AK4: variants seen among roughly 807,000 people sequenced by gnomAD.
The protein encoded by AK4 is adenylate kinase 4.
AK4 carries 13 observed loss-of-function variants against 24.6 expected under a neutral mutation model. The observed-to-expected ratio is 0.53, with a 90% confidence interval of 0.34 to 0.84. The LOEUF is 0.84. AK4 is among the 40% of genes least tolerant of loss of function. The pLI, the probability that AK4 is intolerant of heterozygous loss-of-function variation, is 0.01. For synonymous variants in AK4, 88 were observed against 107.0 expected (o/e 0.82, Z 1.10); for missense variants, 192 against 288.2 (o/e 0.67, Z 2.42).
chr1:65,174,244 G>A (rs1288887214), intron 1 of AK4, among the ~76,000 whole-genome samples: 4 of 151,750 alleles, frequency 2.6e-5, no homozygotes, highest in African/African-American at 9.7e-5. Context: ...AGGGCCCAGA[G>A]CAAAGCATAG....
intron 1 of AK4, chr1:65,154,610 G>GT: frequency 2.0e-6 from 1 of 507,984 alleles, no homozygotes. Flanking sequence ...CAGTGTTTCC[G>GT]TCAGTACGCG....
Position 65,228,882 on chromosome 1 carries a change from T to G in AK4, c.*2705T>G, listed in dbSNP as rs1652551001. The G allele has an allele frequency of 6.6e-6, 1 of 152,158 alleles. No individual in the cohort carries two copies. The highest frequency in any genetic ancestry group is 2.4e-5 in the African/African-American group (1 of 41,444). 9.4% of individuals were successfully genotyped at this position (152,158 alleles called of 1,614,324 possible). A position where few individuals can be genotyped will look rare whatever the true frequency, so the allele number is the denominator to read the frequency against. On this transcript the variant is annotated 3_prime_UTR_variant, in exon 5 of 5. Transcript: ENST00000327299. Reference sequence around the variant, plus strand: ...TTATCCTAACAGGCTTCTTTCTTACTTAGAACTTGGAAAGGCTGCTGTATT... The same window carrying G: ...TTATCCTAACAGGCTTCTTTCTTACGTAGAACTTGGAAAGGCTGCTGTATT...
At chr1:65,173,143 C>T (rs925524908) in intron 1 of AK4, among the ~76,000 whole-genome samples, 5 of 152,088 alleles carry the variant, frequency 3.3e-5, no homozygotes, top group African/African-American at 4.8e-5. Context: ...GGATTGCAGG[C>T]GTGAGTCACT....
intron 1 of AK4, among the ~76,000 whole-genome samples, chr1:65,173,039 T>C (rs1482279282): frequency 6.6e-6 from 1 of 151,962 alleles, no homozygotes; most frequent in Non-Finnish European, 1.5e-5. Flanking sequence ...ATTTTCTGCA[T>C]TTTTAGTGGA....
At chr1:65,152,384 ATTTTTTTTTTTTTTTTTTT>A (rs552572978) in intron 1 of AK4, among the ~76,000 whole-genome samples, 4 of 16,444 alleles carry the variant, frequency 2.4e-4, no homozygotes, top group Non-Finnish European at 3.7e-4. Flanking sequence ...ATATATATAT[ATTTTTTTTTTTTTTTTTTT>A]TTTTTTTTTT....
In AK4 at chr1:65,148,266, T is replaced by A; in HGVS notation, c.-142T>A. The stretch of plus-strand genomic sequence containing the variant: ...GAGGGGTTGTCTTAAAAGTCTCTCC[T>A]TCCCCCTGTAGGGGCGGCCGGCGAG... On this transcript the variant is annotated 5_prime_UTR_variant, in exon 1 of 5. Coordinates refer to ENST00000327299, the MANE Select transcript of AK4 (RefSeq NM_013410.4). 1 of 1,261,466 alleles carries A rather than the reference T, an allele frequency of 7.9e-7. No individual in the cohort carries two copies. Among genetic ancestry groups the A allele is most frequent in the Non-Finnish European group, 1.1e-6 (1 of 939,658 alleles). The allele number at this position is 1,261,466 out of a possible 1,614,324, so 78.1% of individuals were successfully genotyped here. A position where few individuals can be genotyped will look rare whatever the true frequency, so the allele number is the denominator to read the frequency against.
intron 3 of AK4, among the ~76,000 whole-genome samples, chr1:65,223,163 T>C (rs903123464): frequency 6.6e-6 from 1 of 151,924 alleles, no homozygotes; most frequent in African/African-American, 2.4e-5. Context: ...AGAGTTTCAC[T>C]AAAATAAATG....
At chr1:65,148,170 T>TGGAG, upstream of AK4, 1 of 787,412 alleles carries the variant, frequency 1.3e-6, no homozygotes. Context: ...GGCGAGGAGG[T>TGGAG]GGAGAAGGGC....
In AK4 at chr1:65,157,159, T is replaced by C. The variant is rs185231936; in HGVS notation, c.145+8607T>C. 3.5e-3 allele frequency among the ~76,000 whole-genome samples: 527 copies of C among 152,302 alleles called. 2 individuals carry two copies. Among genetic ancestry groups the C allele is most frequent in the African/African-American group, 0.012 (483 of 41,568 alleles). On this transcript the variant is annotated intron_variant, in intron 1 of 4. Coordinates refer to ENST00000327299, the MANE Select transcript of AK4 (RefSeq NM_013410.4). The stretch of plus-strand genomic sequence containing the variant: ...TTCAGTCTTTGGTGCTATGTTGTTT[T>C]GGTTAAAGTATTTGAAGAACATCTG...
At chr1:65,152,468 T>A (rs555574880) in intron 1 of AK4, among the ~76,000 whole-genome samples, 1 of 134,396 alleles carries the variant, frequency 7.4e-6, no homozygotes, top group South Asian at 2.7e-4. Flanking sequence ...AGTGGCACAG[T>A]CTCGGCTCAC....
chr1:65,192,935 C>T (rs1333533148), intron 2 of AK4, among the ~76,000 whole-genome samples: 5 of 152,228 alleles, frequency 3.3e-5, no homozygotes, highest in African/African-American at 7.2e-5. Context: ...AAGCCCCACC[C>T]TCTGTGGCTT....
chr1:65,180,403 G>A (rs538277339), intron 1 of AK4, among the ~76,000 whole-genome samples: 1 of 152,138 alleles, frequency 6.6e-6, no homozygotes, highest in Non-Finnish European at 1.5e-5. Flanking sequence ...ATTTAAAACT[G>A]TATTTTTGGT....
At chr1:65,163,730 G>A (rs953026833) in intron 1 of AK4, among the ~76,000 whole-genome samples, 1 of 152,206 alleles carries the variant, frequency 6.6e-6, no homozygotes, top group Non-Finnish European at 1.5e-5. Flanking sequence ...CTGGCTGTAC[G>A]GGAGACTGGC....
intron 1 of AK4, among the ~76,000 whole-genome samples, chr1:65,151,236 G>A: frequency 6.6e-6 from 1 of 151,980 alleles, no homozygotes; most frequent in Non-Finnish European, 1.5e-5. Flanking sequence ...CAAAGTGCTG[G>A]GATTACAAAT....
At chr1:65,167,406 G>T (rs1428831424) in intron 1 of AK4, among the ~76,000 whole-genome samples, 1 of 151,604 alleles carries the variant, frequency 6.6e-6, no homozygotes, top group African/African-American at 2.4e-5. Context: ...TTCTTAAATG[G>T]TAACTATAAA....
At chr1:65,213,904 A>G (rs1652046401) in intron 2 of AK4, among the ~76,000 whole-genome samples, 1 of 152,154 alleles carries the variant, frequency 6.6e-6, no homozygotes, top group Non-Finnish European at 1.5e-5. Context: ...TTATAAGAAA[A>G]GGACATTTGG....
chr1:65,218,449 G>A (rs917632927), intron 2 of AK4, among the ~76,000 whole-genome samples: 2 of 152,166 alleles, frequency 1.3e-5, no homozygotes, highest in Non-Finnish European at 2.9e-5. Context: ...AAATGCAGAA[G>A]CTAGGTTATA....
intron 2 of AK4, among the ~76,000 whole-genome samples, chr1:65,198,528 G>C (rs1409144831): frequency 6.6e-6 from 1 of 152,208 alleles, no homozygotes; most frequent in East Asian, 1.9e-4. Flanking sequence ...GACTAAGCTT[G>C]TCAGGGAGCT....
chr1:65,212,740 A>T (rs1166332632), intron 2 of AK4, among the ~76,000 whole-genome samples: 3 of 152,164 alleles, frequency 2.0e-5, no homozygotes, highest in African/African-American at 7.2e-5. Context: ...TATATGCCTG[A>T]TACAGCAGCA....
Sources: allele counts gnomAD v4.1 joint callset (sites outside exome capture counted in the v4.1 genomes callset), GRCh38; gene constraint gnomAD v4.1.1; transcripts MANE v1.5; gene names NCBI Gene and HGNC (gene_info 2026-07-23, HGNC 2026-07-21).